Variants in GALNT18 observed in about 807,000 individuals in gnomAD.
The protein encoded by GALNT18 is polypeptide N-acetylgalactosaminyltransferase 18, also known as GalNAc-transferase 18.
A neutral mutation model predicts 69.5 loss-of-function variants in GALNT18; 44 were observed. That is an observed-to-expected ratio of 0.63 (90% confidence interval 0.50 to 0.81). GALNT18 has a LOEUF of 0.81. Among genes scored for constraint, GALNT18 ranks in the 40% least tolerant of loss-of-function variants. The probability of loss-of-function intolerance (pLI) is 0.00; values close to 1 mark genes in which losing one functional copy is unlikely to be tolerated. For synonymous variants in GALNT18, 364 were observed against 318.2 expected (o/e 1.14, Z -1.53); for missense variants, 715 against 810.0 (o/e 0.88, Z 1.42).
chr11:11,603,535 T>C lies in GALNT18; in HGVS notation c.235+17824A>G, dbSNP rs1332563923. Among the ~76,000 whole-genome samples, 1 of 152,114 alleles carries C rather than the reference T, an allele frequency of 6.6e-6. No homozygotes were observed. The highest frequency in any genetic ancestry group is 2.4e-5 in the African/African-American group (1 of 41,428). On this transcript the variant is annotated intron_variant, in intron 1 of 10. Transcript: ENST00000227756. This position sits in a 1 kb window ranked among gnomAD's most constrained non-coding sequence, Gnocchi z 4.5. ...CACCCCCTCAACCATCAGAGCAACA[T>C]ACCCTCCCTGGAAATATGCATCTGC...
At chr11:11,299,114 C>G (rs1163044783) in intron 9 of GALNT18, among the ~76,000 whole-genome samples, 4 of 152,052 alleles carry the variant, frequency 2.6e-5, no homozygotes, top group African/African-American at 9.7e-5. Context: ...CACCCAGCAC[C>G]CAAGCAGTGG....
intron 1 of GALNT18, among the ~76,000 whole-genome samples, chr11:11,457,610 G>A (rs1341404641): frequency 2.0e-5 from 3 of 152,242 alleles, no homozygotes; most frequent in East Asian, 1.9e-4. Flanking sequence ...CACCCAGAAC[G>A]CAGCTCACCT....
intron 3 of GALNT18, among the ~76,000 whole-genome samples, chr11:11,422,430 T>G (rs907564798): frequency 6.6e-6 from 1 of 152,204 alleles, no homozygotes; most frequent in African/African-American, 2.4e-5. Flanking sequence ...CTAGTTGCAC[T>G]GGTCAAAGCC....
Position 11,586,914 on chromosome 11 carries a change from G to T in GALNT18, c.235+34445C>A, listed in dbSNP as rs1859241423. The stretch of plus-strand genomic sequence containing the variant: ...GAGGCAGGAGAATCACTTGAACCCA[G>T]GAGGCGGAGGGTGCAGTGAGCCGAG... On this transcript the variant is annotated intron_variant, in intron 1 of 10. Coordinates refer to ENST00000227756, the MANE Select transcript of GALNT18 (RefSeq NM_198516.3). This position sits in a 1 kb window ranked among gnomAD's most constrained non-coding sequence, Gnocchi z 4.1. Among the ~76,000 whole-genome samples the T allele has an allele frequency of 1.3e-5, 2 of 152,240 alleles. No individual in the cohort carries two copies. Among genetic ancestry groups the T allele is most frequent in the Non-Finnish European group, 2.9e-5 (2 of 68,022 alleles).
chr11:11,602,539 T>C lies in GALNT18; in HGVS notation c.235+18820A>G, dbSNP rs111298295. 7.5e-3 allele frequency among the ~76,000 whole-genome samples: 1,146 copies of C among 152,294 alleles called. 19 individuals carry two copies. Among genetic ancestry groups the C allele is most frequent in the African/African-American group, 0.026 (1,091 of 41,548 alleles). On this transcript the variant is annotated intron_variant, in intron 1 of 10. Transcript: ENST00000227756. The surrounding 1 kb of genome is among the most constrained non-coding windows in gnomAD (Gnocchi z 4.7). The stretch of plus-strand genomic sequence containing the variant: ...CTGGAATTGGGGGAGGAAGGGCAAT[T>C]ATGGCTCAAATGTCCCAGACTCTTG...
chr11:11,308,013 C>T (rs955653417), intron 9 of GALNT18, among the ~76,000 whole-genome samples: 7 of 152,210 alleles, frequency 4.6e-5, no homozygotes, highest in Admixed American at 1.3e-4. Flanking sequence ...TTGTTTCTCT[C>T]AGTCTGATTC....
At position 11,617,331 on chromosome 11, in the gene GALNT18, G is replaced by A. The variant is rs1429090356; in HGVS notation, c.235+4028C>T. 6.6e-6 allele frequency among the ~76,000 whole-genome samples: 1 copy of A among 152,210 alleles called. No homozygotes were observed. Among genetic ancestry groups the A allele is most frequent in the Non-Finnish European group, 1.5e-5 (1 of 68,042 alleles). ...TGTCCTTTGAAAACAAGTCCGCTAT[G>A]ACAAGGACCAAGAGTGCCCATACTC... is the stretch of plus-strand genomic sequence containing the variant. On this transcript the variant is annotated intron_variant, in intron 1 of 10. Coordinates refer to ENST00000227756, the MANE Select transcript of GALNT18 (RefSeq NM_198516.3). This position sits in a 1 kb window ranked among gnomAD's most constrained non-coding sequence, Gnocchi z 4.7.
intron 3 of GALNT18, among the ~76,000 whole-genome samples, chr11:11,409,016 G>A (rs946222417): frequency 2.0e-5 from 3 of 152,180 alleles, no homozygotes; most frequent in Non-Finnish European, 4.4e-5. Context: ...TTGACGTGGT[G>A]GTGAGGCATT....
At chr11:11,365,153 C>T (rs543141774) in intron 6 of GALNT18, among the ~76,000 whole-genome samples, 60 of 152,232 alleles carry the variant, frequency 3.9e-4, no homozygotes, top group African/African-American at 1.4e-3. Context: ...CCTCAACCCC[C>T]AACCCCCTAC....
chr11:11,537,921 G>A (rs946798813), intron 1 of GALNT18, among the ~76,000 whole-genome samples: 9 of 152,184 alleles, frequency 5.9e-5, no homozygotes, highest in South Asian at 2.1e-4. Flanking sequence ...CCTGGCCTCC[G>A]AATAAAGGAT....
intron 10 of GALNT18, among the ~76,000 whole-genome samples, chr11:11,273,747 G>A (rs192353118): frequency 1.3e-5 from 2 of 152,300 alleles, no homozygotes; most frequent in Non-Finnish European, 2.9e-5. Context: ...GCACTCCCAT[G>A]TTTATTGCAG....
At chr11:11,550,535 C>T (rs1479540632) in intron 1 of GALNT18, among the ~76,000 whole-genome samples, 1 of 152,230 alleles carries the variant, frequency 6.6e-6, no homozygotes, top group Non-Finnish European at 1.5e-5. Flanking sequence ...ACCTCTTTCT[C>T]TCTAACTGGC....
chr11:11,384,255 G>A (rs1460643593), intron 3 of GALNT18, among the ~76,000 whole-genome samples: 2 of 152,136 alleles, frequency 1.3e-5, no homozygotes, highest in Non-Finnish European at 2.9e-5. Context: ...TGAGGGTGGA[G>A]CTATTATATT....
At chr11:11,276,842 C>T (rs12787109) in intron 10 of GALNT18, among the ~76,000 whole-genome samples, 53,141 of 151,820 alleles carry the variant, frequency 0.35, 10,265 homozygotes, top group Non-Finnish European at 0.45. Flanking sequence ...GAACCAGCCT[C>T]GCAGCCCAGG....
chr11:11,272,723 T>C (rs1848852281), intron 10 of GALNT18, among the ~76,000 whole-genome samples: 1 of 151,858 alleles, frequency 6.6e-6, no homozygotes, highest in Non-Finnish European at 1.5e-5. Context: ...CCAGGAAGTC[T>C]CTACTGCCCA....
At position 11,610,800 on chromosome 11, in the gene GALNT18, T is replaced by C. The variant is rs530399282; in HGVS notation, c.235+10559A>G. Among the ~76,000 whole-genome samples, 60 of 152,238 alleles carry C rather than the reference T, an allele frequency of 3.9e-4. 1 individual carries two copies. In the South Asian group the frequency reaches 0.012, roughly 30 times the overall value. On this transcript the variant is annotated intron_variant, in intron 1 of 10. Coordinates refer to ENST00000227756, the MANE Select transcript of GALNT18 (RefSeq NM_198516.3). ...AAACCAAAATGTTAAAAGACTCACT[T>C]CTCCAAGCCCATGAACTGACAGGTC...
intron 1 of GALNT18, among the ~76,000 whole-genome samples, chr11:11,491,158 A>T (rs1293096697): frequency 1.3e-5 from 2 of 152,180 alleles, no homozygotes; most frequent in Non-Finnish European, 2.9e-5. Context: ...GACAAGCAAC[A>T]TGAGGTGGCT....
At chr11:11,306,077 T>C (rs909110812) in intron 9 of GALNT18, among the ~76,000 whole-genome samples, 1 of 152,242 alleles carries the variant, frequency 6.6e-6, no homozygotes, top group African/African-American at 2.4e-5. Flanking sequence ...ACATAGTCTA[T>C]GCCATGTCTA....
chr11:11,606,855 G>A lies in GALNT18; in HGVS notation c.235+14504C>T, dbSNP rs1291103675. Among the ~76,000 whole-genome samples, 2 of 152,194 alleles carry A rather than the reference G, an allele frequency of 1.3e-5. No homozygotes were observed. Among genetic ancestry groups the A allele is most frequent in the African/African-American group, 4.8e-5 (2 of 41,466 alleles). On this transcript the variant is annotated intron_variant, in intron 1 of 10. Transcript: ENST00000227756. The surrounding 1 kb of genome is among the most constrained non-coding windows in gnomAD (Gnocchi z 5.4). Reference sequence around the variant, plus strand: ...CAGGACCCAGTAGAGGCTCCTCAGGGTAGTCCTCAAGTTGCATTGGGTCTT... The same window carrying A: ...CAGGACCCAGTAGAGGCTCCTCAGGATAGTCCTCAAGTTGCATTGGGTCTT...
Sources: gnomAD v4.1 joint callset for allele counts (sites outside exome capture counted in the v4.1 genomes callset) on GRCh38, gnomAD v4.1.1 for gene constraint, Gnocchi (gnomAD v3.1) non-coding constraint, MANE v1.5 for transcripts, NCBI Gene and HGNC (gene_info 2026-07-23, HGNC 2026-07-21) for gene names.